The following SORCS3 variants were observed in gnomAD, a reference collection of about 807,000 sequenced individuals.
SORCS3 encodes VPS10 domain-containing receptor SorCS3.
In SORCS3, 57 loss-of-function variants were observed where a neutral mutation model predicts 146.3. The ratio of observed to expected loss-of-function variants is 0.39; its 90% CI spans 0.31 to 0.49. The LOEUF (loss-of-function observed/expected upper bound fraction) is 0.49, where lower values mean the gene tolerates loss of function less well. SORCS3 is among the 20% of genes least tolerant of loss of function. The probability of loss-of-function intolerance (pLI) is 0.92; values close to 1 mark genes in which losing one functional copy is unlikely to be tolerated. For missense variants in SORCS3, 1,341 were observed against 1,575.5 expected (o/e 0.85, Z 2.52); for synonymous variants, 653 against 618.5 (o/e 1.06, Z -0.83).
chr10:105,113,373 A>G (rs1349404856), intron 7 of SORCS3, among the ~76,000 whole-genome samples: 1 of 152,184 alleles, frequency 6.6e-6, no homozygotes, highest in African/African-American at 2.4e-5. Flanking sequence ...TATGCATTTG[A>G]GAGTACAGTT....
intron 7 of SORCS3, among the ~76,000 whole-genome samples, chr10:105,117,699 A>T (rs7098898): frequency 0.024 from 3,708 of 152,316 alleles, 153 homozygotes; most frequent in African/African-American, 0.084. Context: ...CACTAGCTGT[A>T]TTCATAATCC....
chr10:105,114,268 T>C (rs1483831401), intron 7 of SORCS3, among the ~76,000 whole-genome samples: 3 of 151,952 alleles, frequency 2.0e-5, no homozygotes. Context: ...GGTATAATAC[T>C]GACAAGTCTT....
chr10:104,740,593 G>T (rs1023134511), intron 1 of SORCS3, among the ~76,000 whole-genome samples: 2 of 152,126 alleles, frequency 1.3e-5, no homozygotes, highest in Non-Finnish European at 2.9e-5. Flanking sequence ...TGAACTCCTT[G>T]TTTGCTTCTC....
chr10:105,004,000 C>CTTTTTTTTTTT (rs1226455197), intron 4 of SORCS3, among the ~76,000 whole-genome samples: 2 of 140,290 alleles, frequency 1.4e-5, no homozygotes, highest in Admixed American at 7.1e-5. Context: ...TCTTCTCTCT[C>CTTTTTTTTTTT]TTTTTTTTTT....
rs970497211 is a variant in SORCS3, at chr10:105,229,683, G to C, written c.2868+6434G>C. On this transcript the variant is annotated intron_variant, in intron 20 of 26. Coordinates refer to ENST00000369701, the MANE Select transcript of SORCS3 (RefSeq NM_014978.3). ...GGAGGCAGTTATTAGTGGAGGCCAT[G>C]GAAATTTTTTGCTGGGGACTGGGAT... Among the ~76,000 whole-genome samples, 3 of 152,208 alleles carry C rather than the reference G, an allele frequency of 2.0e-5. No homozygotes were observed. The South Asian group carries it at 6.2e-4, about 32-fold the overall frequency.
At chr10:104,992,998 A>C in intron 4 of SORCS3, among the ~76,000 whole-genome samples, 1 of 152,130 alleles carries the variant, frequency 6.6e-6, no homozygotes, top group Non-Finnish European at 1.5e-5. Flanking sequence ...ATGGGGCTGG[A>C]AAGAAAGGGA....
intron 3 of SORCS3, among the ~76,000 whole-genome samples, chr10:104,962,168 A>G (rs1393450810): frequency 6.6e-6 from 1 of 152,050 alleles, no homozygotes; most frequent in East Asian, 1.9e-4. Context: ...TTGAGTTAAA[A>G]TGGGACTTGA....
chr10:104,919,716 A>G (rs2019068273), intron 3 of SORCS3, among the ~76,000 whole-genome samples: 1 of 152,132 alleles, frequency 6.6e-6, no homozygotes. Flanking sequence ...ATTAATGTTC[A>G]TAAGGGTCCT....
intron 22 of SORCS3, 150 bp from the exon 23 acceptor site, chr10:105,252,625 G>GAAAGCCTGAATGTATATT: frequency 1.2e-6 from 1 of 861,846 alleles, no homozygotes; most frequent in South Asian, 1.7e-5. Context: ...AAAACTGAAA[G>GAAAGCCTGAATGTATATT]AAAGCCTGAA....
chr10:104,858,105 A>T (rs2018355078), intron 2 of SORCS3, among the ~76,000 whole-genome samples: 1 of 152,134 alleles, frequency 6.6e-6, no homozygotes. Flanking sequence ...AAAGCTCTAA[A>T]TTTTTCTCTT....
At chr10:105,205,254 A>G (rs2056595819) in intron 16 of SORCS3, among the ~76,000 whole-genome samples, 1 of 152,196 alleles carries the variant, frequency 6.6e-6, no homozygotes, top group Non-Finnish European at 1.5e-5. Context: ...TGCAACCTGG[A>G]TTCACAGAGG....
intron 8 of SORCS3, among the ~76,000 whole-genome samples, chr10:105,139,883 T>C (rs1269107931): frequency 6.6e-6 from 1 of 152,166 alleles, no homozygotes; most frequent in Non-Finnish European, 1.5e-5. Flanking sequence ...CTGGTGGTTT[T>C]ATTGCTTCTT....
chr10:104,949,111 A>T (rs1019666454), intron 3 of SORCS3, among the ~76,000 whole-genome samples: 5 of 151,892 alleles, frequency 3.3e-5, no homozygotes, highest in African/African-American at 1.2e-4. Flanking sequence ...TTTTTTTTTC[A>T]TGCTTAAAAA....
intron 7 of SORCS3, among the ~76,000 whole-genome samples, chr10:105,122,292 G>A (rs1823713): frequency 0.29 from 44,177 of 152,014 alleles, 6,608 homozygotes; most frequent in Middle Eastern, 0.34. Flanking sequence ...ACCAGCTAAT[G>A]GAGTAAATAA....
intron 1 of SORCS3, chr10:104,665,889 G>T (rs1310395440): frequency 1.3e-5 from 2 of 152,176 alleles, no homozygotes; most frequent in Non-Finnish European, 2.9e-5. Context: ...CTCTGGTAAG[G>T]AAGAGTCCGT....
chr10:104,940,146 A>C (rs2019296799), intron 3 of SORCS3, among the ~76,000 whole-genome samples: 1 of 142,242 alleles, frequency 7.0e-6, no homozygotes, highest in African/African-American at 2.5e-5. Context: ...ATTATTTATG[A>C]CTTTTCCAGG....
intron 5 of SORCS3, among the ~76,000 whole-genome samples, chr10:105,063,522 C>T (rs2055501607): frequency 1.3e-5 from 2 of 152,202 alleles, no homozygotes; most frequent in African/African-American, 4.8e-5. Flanking sequence ...TCTTGGAAAA[C>T]TCTTTTGTAT....
At position 105,255,765 on chromosome 10, in the gene SORCS3, G is replaced by T. The variant is rs563904095; in HGVS notation, c.3301G>T (p.Val1101Leu). The T allele has an allele frequency of 1.2e-6, 2 of 1,613,828 alleles. No individual in the cohort carries two copies. The highest frequency in any genetic ancestry group is 8.5e-7 in the Non-Finnish European group (1 of 1,179,894). ...NLVQFELKPG[V>L]QVIVYVTQLT... ...GGTCCAGTTTGAGCTGAAGCCGGGG[G>T]TACAAGTCATTGTGTATGTCACACA... The change falls in exon 24 of 27, where the codon GTA (valine) becomes TTA (leucine). Residue 1101 changes from valine to leucine, a missense_variant. Physicochemically the swap from Val to Leu is conservative, Grantham distance 32. Transcript: ENST00000369701.
At chr10:104,965,373 A>G (rs370419264) in intron 3 of SORCS3, among the ~76,000 whole-genome samples, 3 of 152,200 alleles carry the variant, frequency 2.0e-5, no homozygotes, top group South Asian at 2.1e-4. Context: ...CTTGGTACTC[A>G]TCTTTCTTGA....
Sources: allele counts gnomAD v4.1 joint callset (sites outside exome capture counted in the v4.1 genomes callset), GRCh38; gene constraint gnomAD v4.1.1; transcripts MANE v1.5; gene names NCBI Gene and HGNC (gene_info 2026-07-23, HGNC 2026-07-21).